The following RSBN1 variants were observed in gnomAD, a reference collection of about 807,000 sequenced individuals.
RSBN1 encodes the protein round spermatid basic protein 1, also known as lysine-specific demethylase 9.
A neutral mutation model predicts 74.8 loss-of-function variants in RSBN1; 23 were observed. The ratio of observed to expected loss-of-function variants is 0.31; its 90% confidence interval spans 0.22 to 0.44. The LOEUF (loss-of-function observed/expected upper bound fraction) is 0.44. Ranked by LOEUF, RSBN1 falls within the 20% of genes least tolerant of loss-of-function variation. The probability of loss-of-function intolerance (pLI) is 1.00; values close to 1 mark genes in which losing one functional copy is unlikely to be tolerated. For synonymous variants in RSBN1, 407 were observed against 379.6 expected (o/e 1.07, Z -0.84); for missense variants, 808 against 1,020.9 (o/e 0.79, Z 2.84).
At chr1:113,777,843 G>A (rs1660061064) in intron 2 of RSBN1, 35 bp from the exon 3 acceptor site, 3 of 1,510,750 alleles carry the variant, frequency 2.0e-6, no homozygotes, top group Non-Finnish European at 1.8e-6. Context: ...AATGGACTGA[G>A]GTACAACTAT....
chr1:113,783,290 G>T (rs190646974), intron 2 of RSBN1, among the ~76,000 whole-genome samples: 386 of 150,302 alleles, frequency 2.6e-3, no homozygotes, highest in Non-Finnish European at 3.8e-3. Context: ...AAAAAGGGGT[G>T]GAGGGGGAGA....
In RSBN1 at chr1:113,778,501, C is replaced by T. The variant is rs1185022286; in HGVS notation, c.1378-693G>A. 2.0e-5 allele frequency among the ~76,000 whole-genome samples: 3 copies of T among 151,790 alleles called. 1 individual carries two copies. Among genetic ancestry groups the T allele is most frequent in the Middle Eastern group, 6.8e-3 (2 of 294 alleles). On this transcript the variant is annotated intron_variant, in intron 2 of 6. Coordinates refer to ENST00000261441, the MANE Select transcript of RSBN1 (RefSeq NM_018364.5). Reference sequence around the variant, plus strand: ...TTTTAGTAGAGATGGGGTTTCAACACGTTGGCCAGGCTGGTCTTGAACTCC... The same window carrying T: ...TTTTAGTAGAGATGGGGTTTCAACATGTTGGCCAGGCTGGTCTTGAACTCC...
intron 4 of RSBN1, 42 bp from the exon 5 acceptor site, chr1:113,768,431 G>A (rs747393290): frequency 6.1e-6 from 9 of 1,480,970 alleles, no homozygotes; most frequent in South Asian, 2.7e-5. Context: ...AAGCAAGGAA[G>A]AAAGAGACCA....
At chr1:113,774,585 G>A (rs1373732963) in intron 4 of RSBN1, among the ~76,000 whole-genome samples, 1 of 152,084 alleles carries the variant, frequency 6.6e-6, no homozygotes, top group African/African-American at 2.4e-5. Flanking sequence ...GCTGAAGCAG[G>A]AGAATGGTGT....
rs1218030736 is a variant in RSBN1, at chr1:113,762,842, A to C, written c.*3138T>G. 6.5e-6 allele frequency: 1 copy of C among 152,774 alleles called. No homozygotes were observed. The highest frequency in any genetic ancestry group is 2.4e-5 in the African/African-American group (1 of 41,462). 9.5% of individuals were successfully genotyped at this position (152,774 alleles called of 1,614,324 possible). ...TCCTAAAGTTTAGTAAACAACTTTAATAAGCTCCTTTTTCCCCCTACAAGA... is the reference window on the plus strand; with the variant it reads ...TCCTAAAGTTTAGTAAACAACTTTACTAAGCTCCTTTTTCCCCCTACAAGA... On this transcript the variant is annotated 3_prime_UTR_variant, in exon 7 of 7. Coordinates refer to ENST00000261441, the MANE Select transcript of RSBN1 (RefSeq NM_018364.5).
intron 2 of RSBN1, among the ~76,000 whole-genome samples, chr1:113,794,312 C>T (rs945656123): frequency 6.6e-6 from 1 of 152,152 alleles, no homozygotes; most frequent in East Asian, 1.9e-4. Context: ...CAATTCCATC[C>T]TCCACACTAT....
At position 113,797,929 on chromosome 1, in the gene RSBN1, G is replaced by A; in HGVS notation, c.811C>T (p.Leu271Phe). Reference sequence around the variant, plus strand: ...TGTACTTCCTTATTGTACATTTTAAGGCGTCTTCCTCGCATGTCTTCTCGG... The same window carrying A: ...TGTACTTCCTTATTGTACATTTTAAAGCGTCTTCCTCGCATGTCTTCTCGG... ...KHREDMRGRR[L>F]KMYNKEVQTV... Residue 271 changes from leucine (L) to phenylalanine (F), a missense_variant, in exon 2 of 7, where the codon CTT (leucine) becomes TTT (phenylalanine). By Grantham distance (22) the Leu-to-Phe change is conservative (BLOSUM62 0). Around this residue, in one of 6 missense-constraint regions of RSBN1, gnomAD observed 464 missense variants for 401.0 expected, o/e 1.16. Coordinates refer to ENST00000261441, the MANE Select transcript of RSBN1 (RefSeq NM_018364.5). 1.9e-6 allele frequency: 3 copies of A among 1,613,186 alleles called. No homozygotes were observed. The highest frequency in any genetic ancestry group is 2.5e-6 in the Non-Finnish European group (3 of 1,179,688).
chr1:113,797,682 C>T lies in RSBN1; in HGVS notation c.1058G>A (p.Gly353Asp), dbSNP rs1424788454. ...ATGAATAAAGTTGCTAAATTTAGTA[C>T]CTGTTTTTAAGAAATTTCTACGAAT... Reference protein sequence around the residue: ...HSIRRNFLKTGTKFSNFIHEE... With the variant: ...HSIRRNFLKTDTKFSNFIHEE... The change falls in exon 2 of 7, where the codon GGT (glycine) becomes GAT (aspartate). Residue 353 changes from glycine to aspartate, a missense_variant. Gly to Asp is a moderately conservative substitution (Grantham distance 94). This residue lies in a region of RSBN1 where 85 missense variants were observed against 126.2 expected (regional missense o/e 0.67). Coordinates refer to ENST00000261441, the MANE Select transcript of RSBN1 (RefSeq NM_018364.5). The T allele has an allele frequency of 1.9e-6, 3 of 1,614,026 alleles. No individual in the cohort carries two copies. In the Admixed American group the frequency reaches 5.0e-5, roughly 27 times the overall value.
intron 1 of RSBN1, among the ~76,000 whole-genome samples, chr1:113,809,123 C>T (rs888185310): frequency 6.6e-6 from 1 of 151,312 alleles, no homozygotes; most frequent in African/African-American, 2.4e-5. Context: ...TTGTAAGTAA[C>T]AAGAATCTGC....
At chr1:113,796,354 T>A (rs143072922) in intron 2 of RSBN1, 1 of 152,106 alleles carries the variant, frequency 6.6e-6, no homozygotes, top group African/African-American at 2.4e-5. Context: ...AAATCTAAAC[T>A]GGATACTCCC....
chr1:113,793,677 C>CTTT (rs10707246), intron 2 of RSBN1, among the ~76,000 whole-genome samples: 1 of 146,524 alleles, frequency 6.8e-6, no homozygotes. Flanking sequence ...CCTAAGAGTT[C>CTTT]TTTTTTTTTT....
chr1:113,806,348 AT>A (rs1660699198), intron 1 of RSBN1, among the ~76,000 whole-genome samples: 1 of 152,102 alleles, frequency 6.6e-6, no homozygotes, highest in East Asian at 1.9e-4. Context: ...AAAAAAAAAA[AT>A]CATTGTTACA....
At chr1:113,800,980 T>C (rs931557762) in intron 1 of RSBN1, among the ~76,000 whole-genome samples, 1 of 151,800 alleles carries the variant, frequency 6.6e-6, no homozygotes, top group Non-Finnish European at 1.5e-5. Flanking sequence ...ATCCTGTTTT[T>C]CAATTTTTTT....
chr1:113,771,695 T>C, intron 4 of RSBN1, among the ~76,000 whole-genome samples: 1 of 151,138 alleles, frequency 6.6e-6, no homozygotes, highest in East Asian at 1.9e-4. Flanking sequence ...GTAATGTACC[T>C]TAACTCTAAC....
intron 4 of RSBN1, among the ~76,000 whole-genome samples, chr1:113,768,893 C>A (rs1659833812): frequency 1.5e-5 from 2 of 136,590 alleles, no homozygotes; most frequent in South Asian, 2.3e-4. Context: ...GATAGAATTT[C>A]TTGGAAGTGG....
chr1:113,792,045 G>A (rs974344923), intron 2 of RSBN1, among the ~76,000 whole-genome samples: 1 of 152,020 alleles, frequency 6.6e-6, no homozygotes, highest in African/African-American at 2.4e-5. Flanking sequence ...CAATGCTACA[G>A]AACATTATCA....
chr1:113,786,746 G>A (rs908411580), intron 2 of RSBN1, among the ~76,000 whole-genome samples: 62 of 152,076 alleles, frequency 4.1e-4, no homozygotes, highest in Admixed American at 2.6e-4. Flanking sequence ...CAAGGCAGGC[G>A]GATCACTTGA....
At chr1:113,802,656 C>T (rs1660608752) in intron 1 of RSBN1, among the ~76,000 whole-genome samples, 1 of 151,840 alleles carries the variant, frequency 6.6e-6, no homozygotes, top group African/African-American at 2.4e-5. Context: ...TTCTAGTATA[C>T]TTTCTAGAAG....
chr1:113,803,073 A>T (rs1660618432), intron 1 of RSBN1, among the ~76,000 whole-genome samples: 1 of 152,186 alleles, frequency 6.6e-6, no homozygotes, highest in Admixed American at 6.5e-5. Context: ...TGCCTTTTCC[A>T]GAGTGTCATA....
Sources: allele counts gnomAD v4.1 joint callset (sites outside exome capture counted in the v4.1 genomes callset), GRCh38; gene constraint gnomAD v4.1.1; regional missense constraint gnomAD v4.1.1; transcripts MANE v1.5; gene names NCBI Gene and HGNC (gene_info 2026-07-23, HGNC 2026-07-21).